Variants in XPO6 observed in about 807,000 individuals in gnomAD.
The protein encoded by XPO6 is exportin 6.
XPO6 carries 3 observed loss-of-function variants against 130.0 expected under a neutral mutation model. The ratio of observed to expected loss-of-function variants is 0.02; its 90% CI spans 0.01 to 0.06. The LOEUF (loss-of-function observed/expected upper bound fraction) is 0.06, where lower values mean the gene tolerates loss of function less well. Among genes scored for constraint, XPO6 ranks in the 10% least tolerant of loss-of-function variants. The pLI is 1.00. For synonymous variants in XPO6, 524 were observed against 548.9 expected (o/e 0.95, Z 0.63); for missense variants, 970 against 1,393.0 (o/e 0.70, Z 4.83).
intron 5 of XPO6, chr16:28,167,387 C>A (rs2043373505): frequency 1.0e-6 from 1 of 985,358 alleles, no homozygotes; most frequent in African/African-American, 1.7e-5. Context: ...TCTAGCCTCA[C>A]CTGACCCAGG....
At chr16:28,104,409 A>T in intron 21 of XPO6, 137 bp downstream of exon 21, 6 of 1,153,466 alleles carry the variant, frequency 5.2e-6, no homozygotes, top group Non-Finnish European at 6.0e-6. Context: ...TGAGGCTCCA[A>T]GAAATTAATT....
chr16:28,169,932 G>C lies in XPO6; in HGVS notation c.406-23C>G, dbSNP rs189808108. On this transcript the variant is annotated intron_variant, in intron 4 of 23. Transcript: ENST00000304658. ...CAACTGCCAGGAAAAAGCATGTTCT[G>C]AGCAGAGTGTTGGACTAATAAAGTA... 772 of 1,613,174 alleles carry C rather than the reference G, an allele frequency of 4.8e-4. 2 individuals carry two copies. Among genetic ancestry groups the C allele is most frequent in the Non-Finnish European group, 3.9e-5 (46 of 1,179,430 alleles).
At chr16:28,099,993 G>C (rs1483071035) in intron 23 of XPO6, among the ~76,000 whole-genome samples, 2 of 150,510 alleles carry the variant, frequency 1.3e-5, no homozygotes, top group Admixed American at 6.6e-5. Flanking sequence ...GATATAACTA[G>C]ATTTTTTTTT....
At chr16:28,155,950 C>T (rs1434869066) in intron 7 of XPO6, 124 bp downstream of exon 7, 3 of 1,450,490 alleles carry the variant, frequency 2.1e-6, no homozygotes, top group Non-Finnish European at 2.7e-6. Flanking sequence ...ACCTACCTTT[C>T]TGTTCCTCAC....
At chr16:28,123,502 G>C (rs2087303647) in intron 13 of XPO6, among the ~76,000 whole-genome samples, 1 of 152,190 alleles carries the variant, frequency 6.6e-6, no homozygotes, top group Non-Finnish European at 1.5e-5. Flanking sequence ...ATGGATGCCA[G>C]GGAAGGCAGT....
chr16:28,104,522 G>A (rs2086728637), intron 21 of XPO6, 24 bp downstream of exon 21: 9 of 1,613,132 alleles, frequency 5.6e-6, no homozygotes, highest in East Asian at 2.2e-5. Flanking sequence ...AAGTCACCTG[G>A]CAGCAACCCC....
intron 5 of XPO6, chr16:28,167,115 G>A (rs2043369262): frequency 5.1e-6 from 5 of 982,086 alleles, no homozygotes. Flanking sequence ...CACTGCTATG[G>A]CTTCAATATA....
At chr16:28,125,931 A>G in intron 12 of XPO6, 83 bp from the exon 13 acceptor site, 1 of 1,512,494 alleles carries the variant, frequency 6.6e-7, no homozygotes, top group Admixed American at 1.9e-5. Flanking sequence ...AGCAAGCCAC[A>G]CACAGCAAAA....
intron 9 of XPO6, among the ~76,000 whole-genome samples, chr16:28,136,436 T>G (rs1309260980): frequency 6.6e-6 from 1 of 152,144 alleles, no homozygotes; most frequent in Admixed American, 6.5e-5. Flanking sequence ...GCCAGATTGG[T>G]CTTGAAATCC....
Position 28,101,835 on chromosome 16 carries a change from TG to T in XPO6, c.3045+11del, listed in dbSNP as rs765972265. 5 of 1,612,434 alleles carry T rather than the reference TG, an allele frequency of 3.1e-6. No individual in the cohort carries two copies. Among genetic ancestry groups the T allele is most frequent in the Non-Finnish European group, 4.2e-6 (5 of 1,178,614 alleles). ...CTGATGGAAGAATATTTCCAAGAGC[TG>T]GGGCACTTACCTTGTGGTACAGCTT... On this transcript the variant is annotated intron_variant, in intron 22 of 23. Coordinates refer to ENST00000304658, the MANE Select transcript of XPO6 (RefSeq NM_015171.4). The surrounding 1 kb of genome is among the most constrained non-coding windows in gnomAD (Gnocchi z 5.4).
intron 17 of XPO6, among the ~76,000 whole-genome samples, chr16:28,110,397 A>C (rs2086889651): frequency 6.6e-6 from 1 of 152,228 alleles, no homozygotes; most frequent in Admixed American, 6.5e-5. Context: ...AATTCACCAC[A>C]ATCCCTTCCA....
chr16:28,116,435 C>T (rs2141256094), intron 15 of XPO6, among the ~76,000 whole-genome samples: 1 of 151,514 alleles, frequency 6.6e-6, no homozygotes, highest in Non-Finnish European at 1.5e-5. Context: ...GCACTCCAGC[C>T]CGGGCGACAG....
intron 15 of XPO6, among the ~76,000 whole-genome samples, chr16:28,114,519 C>T (rs1336484005): frequency 6.6e-6 from 1 of 152,140 alleles, no homozygotes; most frequent in East Asian, 1.9e-4. Context: ...AGCATTATGT[C>T]TAAGAAAACA....
chr16:28,150,232 C>T (rs983425795), intron 8 of XPO6, among the ~76,000 whole-genome samples: 4 of 152,158 alleles, frequency 2.6e-5, no homozygotes, highest in Admixed American at 6.5e-5. Flanking sequence ...GGTCCTCATA[C>T]AGGAGACAGG....
chr16:28,142,598 TCTTG>T (rs1363154510), intron 9 of XPO6, among the ~76,000 whole-genome samples: 1 of 152,094 alleles, frequency 6.6e-6, no homozygotes, highest in Non-Finnish European at 1.5e-5. Flanking sequence ...AGAGACAGAG[TCTTG>T]CTCTGTCGCC....
In XPO6 at chr16:28,130,480, T is replaced by C. The variant is rs77354994; in HGVS notation, c.1606+1854A>G. On this transcript the variant is annotated intron_variant, in intron 12 of 23. Coordinates refer to ENST00000304658, the MANE Select transcript of XPO6 (RefSeq NM_015171.4). ...GCTATGGGAACCAGGGGAAAAAATG[T>C]ACTCAGAGTTTCCATTTGTTAATAG... Among the ~76,000 whole-genome samples, 812 of 152,290 alleles carry C rather than the reference T, an allele frequency of 5.3e-3. 47 individuals carry two copies. The East Asian group carries it at 0.13, about 25-fold the overall frequency.
At chr16:28,164,944 T>A (rs1405602515) in intron 6 of XPO6, among the ~76,000 whole-genome samples, 1 of 152,214 alleles carries the variant, frequency 6.6e-6, no homozygotes, top group East Asian at 1.9e-4. Flanking sequence ...TGGCTGGGTA[T>A]GGTGGCTCAC....
intron 14 of XPO6, among the ~76,000 whole-genome samples, chr16:28,118,496 G>A (rs959349034): frequency 2.0e-5 from 3 of 152,106 alleles, no homozygotes; most frequent in Non-Finnish European, 2.9e-5. Flanking sequence ...AAGTAGCTGG[G>A]ATTACAGGTC....
chr16:28,134,760 T>G (rs1047595269), intron 10 of XPO6, among the ~76,000 whole-genome samples: 1 of 152,222 alleles, frequency 6.6e-6, no homozygotes, highest in Non-Finnish European at 1.5e-5. Flanking sequence ...ATCAATAAAT[T>G]CAAGGCTGAT....
Sources: gnomAD v4.1 joint callset for allele counts (sites outside exome capture counted in the v4.1 genomes callset) on GRCh38, gnomAD v4.1.1 for gene constraint, Gnocchi (gnomAD v3.1) non-coding constraint, MANE v1.5 for transcripts, NCBI Gene and HGNC (gene_info 2026-07-23, HGNC 2026-07-21) for gene names.